FSHB: variants seen among roughly 807,000 people sequenced by gnomAD.
FSHB encodes follitropin subunit beta.
A neutral mutation model predicts 12.1 loss-of-function variants in FSHB; 8 were observed. The observed-to-expected ratio is 0.66, with a 90% CI of 0.39 to 1.19. The LOEUF is 1.19. Among genes scored for constraint, FSHB ranks in the 50% most tolerant of loss-of-function variants. FSHB has a pLI of 0.01. For missense variants in FSHB, 153 were observed against 157.2 expected (o/e 0.97, Z 0.14); for synonymous variants, 55 against 54.6 (o/e 1.01, Z -0.04).
chr11:30,234,213 G>C lies in FSHB; in HGVS notation c.*413G>C. ...TCTTGGGCCCTCTAGAGCAAGGTCA[G>C]CATCTTCAGCATTGTAGCGTCAATG... On this transcript the variant is annotated 3_prime_UTR_variant, in exon 3 of 3. Coordinates refer to ENST00000533718, the MANE Select transcript of FSHB (RefSeq NM_001382289.1). 2 of 253,842 alleles carry C rather than the reference G, an allele frequency of 7.9e-6. No individual in the cohort carries two copies. Among genetic ancestry groups the C allele is most frequent in the Non-Finnish European group, 1.6e-5 (2 of 127,640 alleles). The allele number at this position is 253,842 out of a possible 1,614,324, so 15.7% of individuals were successfully genotyped here. A position where few individuals can be genotyped will look rare whatever the true frequency, so the allele number is the denominator to read the frequency against.
At position 30,233,595 on chromosome 11, in the gene FSHB, G is replaced by C; in HGVS notation, c.185G>C (p.Arg62Thr). Reference sequence around the variant, plus strand: ...GATCTGGTGTATAAGGACCCAGCCAGGCCCAAAATCCAGAAAACATGTACC... The same window carrying C: ...GATCTGGTGTATAAGGACCCAGCCACGCCCAAAATCCAGAAAACATGTACC... ...TRDLVYKDPA[R>T]PKIQKTCTFK... is the part of the protein sequence containing the mutation. The change falls in exon 3 of 3, where the codon AGG becomes ACG. Residue 62 changes from arginine (R) to threonine (T), a missense_variant. Arg to Thr is a moderately conservative substitution (Grantham distance 71). Coordinates refer to ENST00000533718, the MANE Select transcript of FSHB (RefSeq NM_001382289.1). The C allele has an allele frequency of 1.2e-6, 2 of 1,613,894 alleles. No homozygotes were observed. Among genetic ancestry groups the C allele is most frequent in the Non-Finnish European group, 8.5e-7 (1 of 1,179,892 alleles).
In FSHB at chr11:30,234,772, TA is replaced by T. The variant is rs1312715292; in HGVS notation, c.*975del. On this transcript the variant is annotated 3_prime_UTR_variant, in exon 3 of 3. Coordinates refer to ENST00000533718, the MANE Select transcript of FSHB (RefSeq NM_001382289.1). ...TTGTCTACAAATATATTTGTATAAA[TA>T]AATAGCTCCTTTAGAAAGAATTAGC... 1.3e-5 allele frequency: 2 copies of T among 152,196 alleles called. No individual in the cohort carries two copies. Among genetic ancestry groups the T allele is most frequent in the Non-Finnish European group, 1.5e-5 (1 of 68,022 alleles). The allele number at this position is 152,196 out of a possible 1,614,324, so 9.4% of individuals were successfully genotyped here.
At position 30,234,008 on chromosome 11, in the gene FSHB, G is replaced by C. The variant is rs1250951760; in HGVS notation, c.*208G>C. ...ATCATGATTCAGCTCTATATTCCTA[G>C]GTCTGATTTCATAAGGTTTATTCAG... is the stretch of plus-strand genomic sequence containing the variant. On this transcript the variant is annotated 3_prime_UTR_variant, in exon 3 of 3. Coordinates refer to ENST00000533718, the MANE Select transcript of FSHB (RefSeq NM_001382289.1). The C allele has an allele frequency of 3.5e-6, 2 of 576,560 alleles. No homozygotes were observed. Among genetic ancestry groups the C allele is most frequent in the Non-Finnish European group, 6.2e-6 (2 of 321,134 alleles). The allele number at this position is 576,560 out of a possible 1,614,324, so 35.7% of individuals were successfully genotyped here.
rs1852059481 is a variant in FSHB at position 30,234,739 on chromosome 11, TA to T, written c.*941del. Reference sequence around the variant, plus strand: ...AGCAGTTTCAGCAATTTAATAAATATAATTAATTTGTCTACAAATATATTTG... The same window carrying T: ...AGCAGTTTCAGCAATTTAATAAATATATTAATTTGTCTACAAATATATTTG... On this transcript the variant is annotated 3_prime_UTR_variant, in exon 3 of 3. Coordinates refer to ENST00000533718, the MANE Select transcript of FSHB (RefSeq NM_001382289.1). 1 of 152,204 alleles carries T rather than the reference TA, an allele frequency of 6.6e-6. No homozygotes were observed. The highest frequency in any genetic ancestry group is 2.4e-5 in the African/African-American group (1 of 41,454). 9.4% of individuals were successfully genotyped at this position (152,204 alleles called of 1,614,324 possible).
Position 30,232,080 on chromosome 11 carries a change from T to C in FSHB, c.159+19T>C, listed in dbSNP as rs1237679574. 1 of 1,613,450 alleles carries C rather than the reference T, an allele frequency of 6.2e-7. No individual in the cohort carries two copies. The highest frequency in any genetic ancestry group is 8.5e-7 in the Non-Finnish European group (1 of 1,179,652). ...CACCAGGGTAGGTACCATGTTTTGC[T>C]GGAAGCAAGGGTGTTGAAGGTCTGT... On this transcript the variant is annotated intron_variant, in intron 2 of 2. Transcript: ENST00000533718.
chr11:30,232,334 T>C (rs1045564019), intron 2 of FSHB, among the ~76,000 whole-genome samples: 4 of 152,236 alleles, frequency 2.6e-5, no homozygotes, highest in African/African-American at 7.2e-5. Context: ...AAAGTATTTC[T>C]ATGTTACGTT....
In FSHB at chr11:30,231,944, A is replaced by G; in HGVS notation, c.42A>G (p.Lys14=). ...TTTTCTTCCTTTTCTGTTGCTGGAAAGCAATCTGCTGCAATAGCTGTGAGC... is the reference window on the plus strand; with the variant it reads ...TTTTCTTCCTTTTCTGTTGCTGGAAGGCAATCTGCTGCAATAGCTGTGAGC... ...LQFFFLFCCW[K]AICCNSCELT... is the part of the protein sequence containing the mutation. The change falls in exon 2 of 3, where the codon AAA becomes AAG. Residue 14 remains lysine (K), a synonymous_variant. Transcript: ENST00000533718. 1.2e-6 allele frequency: 2 copies of G among 1,613,956 alleles called. No individual in the cohort carries two copies. Among genetic ancestry groups the G allele is most frequent in the South Asian group, 2.2e-5 (2 of 91,082 alleles).
Position 30,234,004 on chromosome 11 carries a change from C to G in FSHB, c.*204C>G, listed in dbSNP as rs930546317. On this transcript the variant is annotated 3_prime_UTR_variant, in exon 3 of 3. Transcript: ENST00000533718. ...CTCCATCATGATTCAGCTCTATATT[C>G]CTAGGTCTGATTTCATAAGGTTTAT... The G allele has an allele frequency of 4.8e-5, 28 of 586,322 alleles. No homozygotes were observed. The Admixed American group carries it at 7.1e-4, about 15-fold the overall frequency. The allele number at this position is 586,322 out of a possible 1,614,324, so 36.3% of individuals were successfully genotyped here.
Position 30,233,592 on chromosome 11 carries a change from C to T in FSHB, c.182C>T (p.Ala61Val). The T allele has an allele frequency of 1.2e-6, 2 of 1,613,888 alleles. No individual in the cohort carries two copies. The highest frequency in any genetic ancestry group is 1.1e-5 in the South Asian group (1 of 91,074). ...CAGGATCTGGTGTATAAGGACCCAG[C>T]CAGGCCCAAAATCCAGAAAACATGT... Reference protein sequence around the residue: ...YTRDLVYKDPARPKIQKTCTF... With the variant: ...YTRDLVYKDPVRPKIQKTCTF... The change falls in exon 3 of 3, where the codon GCC becomes GTC. Residue 61 changes from alanine (A) to valine (V), a missense_variant. Transcript: ENST00000533718.
intron 1 of FSHB, among the ~76,000 whole-genome samples, chr11:30,231,282 A>T (rs1297305370): frequency 1.3e-5 from 2 of 152,234 alleles, no homozygotes; most frequent in Non-Finnish European, 2.9e-5. Context: ...AACAAATGTG[A>T]GCAAAAGAAA....
intron 1 of FSHB, among the ~76,000 whole-genome samples, 196 bp from the exon 2 acceptor site, chr11:30,231,670 T>C (rs560730188): frequency 6.6e-5 from 10 of 152,236 alleles, no homozygotes; most frequent in Non-Finnish European, 8.8e-5. Flanking sequence ...TTTTGATCTA[T>C]AATATATTCC....
At position 30,234,256 on chromosome 11, in the gene FSHB, A is replaced by C. The variant is rs1852051199; in HGVS notation, c.*456A>C. On this transcript the variant is annotated 3_prime_UTR_variant, in exon 3 of 3. Coordinates refer to ENST00000533718, the MANE Select transcript of FSHB (RefSeq NM_001382289.1). ...CGTCAATGCCTAGCACTCTGCCTGG[A>C]ACTTAGAAACACAACAATGACTTCT... 1 of 185,018 alleles carries C rather than the reference A, an allele frequency of 5.4e-6. No individual in the cohort carries two copies. The highest frequency in any genetic ancestry group is 2.4e-5 in the African/African-American group (1 of 42,488). The allele number at this position is 185,018 out of a possible 1,614,324, so 11.5% of individuals were successfully genotyped here.
At chr11:30,231,625 T>G (rs1405235153) in intron 1 of FSHB, among the ~76,000 whole-genome samples, 2 of 152,206 alleles carry the variant, frequency 1.3e-5, no homozygotes, top group East Asian at 3.8e-4. Flanking sequence ...ATTCTAATCT[T>G]TAAATATTCC....
At position 30,231,849 on chromosome 11, in the gene FSHB, G is replaced by A. The variant is rs1439060886; in HGVS notation, c.-37-17G>A. On this transcript the variant is annotated splice_polypyrimidine_tract_variant and intron_variant, in intron 1 of 2. Coordinates refer to ENST00000533718, the MANE Select transcript of FSHB (RefSeq NM_001382289.1). ...TTGGTCAGCTTACATAATGATTATCGTTCTTTGGTTTCTCAGTTTCTAGTG... is the reference window on the plus strand; with the variant it reads ...TTGGTCAGCTTACATAATGATTATCATTCTTTGGTTTCTCAGTTTCTAGTG... 53 of 1,596,408 alleles carry A rather than the reference G, an allele frequency of 3.3e-5. No homozygotes were observed. The highest frequency in any genetic ancestry group is 6.7e-5 in the African/African-American group (5 of 74,508).
chr11:30,233,242 A>G (rs1305311271), intron 2 of FSHB, among the ~76,000 whole-genome samples: 2 of 152,190 alleles, frequency 1.3e-5, no homozygotes, highest in Non-Finnish European at 2.9e-5. Flanking sequence ...TGTTATTAAT[A>G]CAGCTTTCAA....
chr11:30,231,490 T>C (rs1053922656), intron 1 of FSHB, among the ~76,000 whole-genome samples: 1 of 152,098 alleles, frequency 6.6e-6, no homozygotes, highest in African/African-American at 2.4e-5. Flanking sequence ...CAAGACCCTG[T>C]CTCAAGAAAA....
intron 1 of FSHB, 75 bp from the exon 2 acceptor site, chr11:30,231,791 T>G: frequency 3.5e-6 from 4 of 1,143,896 alleles, no homozygotes; most frequent in Non-Finnish European, 5.2e-6. Flanking sequence ...CAAAATGTGA[T>G]TGAGGAGGAT....
rs1183960430 is a variant in FSHB, at chr11:30,232,010, T to C, written c.108T>C (p.Arg36=). 1.9e-6 allele frequency: 3 copies of C among 1,613,966 alleles called. No homozygotes were observed. The South Asian group carries it at 3.3e-5, about 18-fold the overall frequency. Reference sequence around the variant, plus strand: ...TTGCAATAGAGAAAGAAGAATGTCGTTTCTGCATAAGCATCAACACCACTT... The same window carrying C: ...TTGCAATAGAGAAAGAAGAATGTCGCTTCTGCATAAGCATCAACACCACTT... ...ITIAIEKEEC[R]FCISINTTWC... Residue 36 remains arginine (R), a synonymous_variant, in exon 2 of 3, where the codon CGT becomes CGC. Transcript: ENST00000533718.
chr11:30,232,140 T>C (rs906977311), intron 2 of FSHB, 79 bp downstream of exon 2: 47 of 1,425,150 alleles, frequency 3.3e-5, no homozygotes, highest in Admixed American at 1.0e-4. Context: ...ACTTTATCAA[T>C]ATTTTATGTA....
Sources: allele counts gnomAD v4.1 joint callset (sites outside exome capture counted in the v4.1 genomes callset), GRCh38; gene constraint gnomAD v4.1.1; transcripts MANE v1.5; gene names NCBI Gene and HGNC (gene_info 2026-07-23, HGNC 2026-07-21).